OBSL1: variants seen among roughly 807,000 people sequenced by gnomAD.
The protein encoded by OBSL1 is obscurin like cytoskeletal adaptor 1.
OBSL1 carries 160 observed loss-of-function variants against 172.0 expected under a neutral mutation model. The ratio of observed to expected loss-of-function variants is 0.93; its 90% CI spans 0.82 to 1.06. The LOEUF (loss-of-function observed/expected upper bound fraction) is 1.06. Ranked by LOEUF, OBSL1 falls within the 50% of genes least tolerant of loss-of-function variation. The pLI is 0.00. For missense variants in OBSL1, 2,681 were observed against 2,715.4 expected, an observed-to-expected ratio of 0.99 and a Z score of 0.28; for synonymous variants, 1,200 against 1,196.3, an observed-to-expected ratio of 1.00 and a Z score of -0.06.
intron 16 of OBSL1, 131 bp downstream of exon 16, chr2:219,553,443 G>A (rs1321398829): frequency 1.4e-6 from 1 of 738,694 alleles, no homozygotes; most frequent in African/African-American, 1.7e-5. Flanking sequence ...TTGGAGTAAG[G>A]GATTAAATAT....
downstream of OBSL1, chr2:219,550,578 T>C (rs2106001164): frequency 3.6e-6 from 2 of 548,764 alleles, no homozygotes; most frequent in South Asian, 4.8e-5. Flanking sequence ...TGCCAAACTG[T>C]GTGGCCTCTG....
intron 13 of OBSL1, 58 bp from the exon 14 acceptor site, chr2:219,556,350 C>G (rs1461783648): frequency 3.2e-6 from 5 of 1,571,650 alleles, no homozygotes; most frequent in African/African-American, 2.7e-5. Context: ...GCCCCTTGCT[C>G]CATCCCACTG....
rs774682245 is a variant in OBSL1 at position 219,550,759 on chromosome 2, C to G, written c.*76G>C. ...GTAGCACTTTTATTGTTCCTTGTCT[C>G]TCTACCCCTGCCCAGGGTAAGGGCA... On this transcript the variant is annotated 3_prime_UTR_variant, in exon 21 of 21. Transcript: ENST00000404537. 6.0e-5 allele frequency: 94 copies of G among 1,562,986 alleles called. No individual in the cohort carries two copies. Among genetic ancestry groups the G allele is most frequent in the Non-Finnish European group, 8.0e-5 (92 of 1,148,748 alleles).
chr2:219,559,489 C>A lies in OBSL1; in HGVS notation c.2962G>T (p.Val988Leu). Residue 988 changes from valine (V) to leucine (L), a missense_variant, in exon 9 of 21, where the codon GTG becomes TTG. Val to Leu is a conservative substitution (Grantham distance 32, BLOSUM62 1). Coordinates refer to ENST00000404537, the MANE Select transcript of OBSL1 (RefSeq NM_015311.3). The stretch of plus-strand genomic sequence containing the variant: ...TCATCGCGAGGGTATATGATCCGCA[C>A]TGGGGGTTCTGCAGGGTGGGGACAA... ...SFTVTVTEPP[V>L]RIIYPRDEVT... is the part of the protein sequence containing the mutation. 1.9e-6 allele frequency: 3 copies of A among 1,608,396 alleles called. No individual in the cohort carries two copies. Among genetic ancestry groups the A allele is most frequent in the Non-Finnish European group, 2.6e-6 (3 of 1,175,222 alleles).
chr2:219,571,374 C>A lies in OBSL1; in HGVS notation c.-142G>T. On this transcript the variant is annotated 5_prime_UTR_variant, in exon 1 of 21. Transcript: ENST00000404537. ...CCGCGGAGCTCTCCCGGGCCTCCCG[C>A]TCCCGGCTCGCCTCCTTACCCTCGG... 2.2e-6 allele frequency: 1 copy of A among 453,852 alleles called. No individual in the cohort carries two copies. Among genetic ancestry groups the A allele is most frequent in the East Asian group, 4.2e-5 (1 of 23,812 alleles). 28.1% of individuals were successfully genotyped at this position (453,852 alleles called of 1,614,324 possible).
At chr2:219,558,503 G>A in intron 9 of OBSL1, 44 bp from the exon 10 acceptor site, 1 of 1,500,086 alleles carries the variant, frequency 6.7e-7, no homozygotes, top group Non-Finnish European at 8.9e-7. Flanking sequence ...TTGGCCAGCA[G>A]GCCTCTCCTG....
chr2:219,554,761 G>T, intron 14 of OBSL1, 21 bp from the exon 15 acceptor site: 1 of 1,522,128 alleles, frequency 6.6e-7, no homozygotes, highest in East Asian at 2.5e-5. Flanking sequence ...GAGATGGAGA[G>T]AGGGAGGATG....
At chr2:219,552,435 G>A in intron 18 of OBSL1, 101 bp downstream of exon 18, 2 of 1,248,742 alleles carry the variant, frequency 1.6e-6, no homozygotes, top group Non-Finnish European at 2.2e-6. Context: ...GTGGGGCGGG[G>A]CCCGTCGGAG....
At chr2:219,549,263 C>T (rs1695475404), downstream of OBSL1, 2 of 1,613,950 alleles carry the variant, frequency 1.2e-6, no homozygotes, top group Non-Finnish European at 8.5e-7. Flanking sequence ...CTCAGAGGTC[C>T]CCGGGCTCCT....
chr2:219,549,794 C>A, downstream of OBSL1: 2 of 1,614,134 alleles, frequency 1.2e-6, no homozygotes, highest in Non-Finnish European at 1.7e-6. Flanking sequence ...CAGATGCGGA[C>A]TATGAGTATG....
intron 18 of OBSL1, 154 bp from the exon 19 acceptor site, chr2:219,552,370 T>C: frequency 1.2e-6 from 1 of 866,576 alleles, no homozygotes; most frequent in East Asian, 2.7e-5. Flanking sequence ...AGCCTAGAGG[T>C]CCGGGACTAG....
intron 19 of OBSL1, 88 bp downstream of exon 19, chr2:219,552,024 C>G (rs539676564): frequency 2.3e-6 from 3 of 1,319,438 alleles, no homozygotes; most frequent in East Asian, 5.0e-5. Flanking sequence ...AGAGAGGCAG[C>G]GTTCTTGGGG....
intron 16 of OBSL1, among the ~76,000 whole-genome samples, chr2:219,553,339 C>T (rs1029315678): frequency 6.6e-6 from 1 of 152,160 alleles, no homozygotes; most frequent in African/African-American, 2.4e-5. Context: ...ATGGGCTCTA[C>T]CTGTTGTCTG....
intron 20 of OBSL1, chr2:219,551,050 G>T: frequency 7.0e-7 from 1 of 1,431,926 alleles, no homozygotes. Flanking sequence ...AGGGAATGCT[G>T]GGATTTGGGA....
Position 219,570,640 on chromosome 2 carries a change from G to T in OBSL1, c.593C>A (p.Ala198Glu), listed in dbSNP as rs186348476. The change falls in exon 1 of 21, where the codon GCG becomes GAG. Residue 198 changes from alanine to glutamate, a missense_variant. Around this residue, in one of 5 missense-constraint regions of OBSL1, gnomAD observed 706 missense variants for 695.8 expected, o/e 1.01. Coordinates refer to ENST00000404537, the MANE Select transcript of OBSL1 (RefSeq NM_015311.3). ...PGASLALRIL[A>E]ARLPDSGVYV... Reference sequence around the variant, plus strand: ...GACGCCGGAATCCGGCAGCCGAGCCGCCAGGATGCGCAGTGCCAGGCTCGC... The same window carrying T: ...GACGCCGGAATCCGGCAGCCGAGCCTCCAGGATGCGCAGTGCCAGGCTCGC... 3.9e-4 allele frequency: 582 copies of T among 1,510,596 alleles called. 5 individuals are homozygous for T. The East Asian group carries it at 0.014, about 37-fold the overall frequency. 93.6% of individuals were successfully genotyped at this position (1,510,596 alleles called of 1,614,324 possible).
chr2:219,549,400 A>C, downstream of OBSL1: 1 of 1,582,586 alleles, frequency 6.3e-7, no homozygotes, highest in Non-Finnish European at 8.6e-7. Flanking sequence ...GGAAGTGTGG[A>C]AACTCTTTCC....
At chr2:219,560,722 C>A (rs1696400101) in intron 8 of OBSL1, among the ~76,000 whole-genome samples, 1 of 152,226 alleles carries the variant, frequency 6.6e-6, no homozygotes, top group African/African-American at 2.4e-5. Context: ...AGCCACACAA[C>A]CCACCTCCCC....
rs1705027 is a variant in OBSL1, at chr2:219,552,902, C to T, written c.5112G>A (p.Thr1704=). 6.5e-7 allele frequency: 1 copy of T among 1,540,450 alleles called. No homozygotes were observed. ...DAGTYSCAVG[T]ARAGPVRLTV... ...TCAGGCGGACCGGTCCGGCGCGGGCCGTCCCCACCGCGCAGCTGTAGGTCC... is the reference window on the plus strand; with the variant it reads ...TCAGGCGGACCGGTCCGGCGCGGGCTGTCCCCACCGCGCAGCTGTAGGTCC... The change falls in exon 17 of 21, where the codon ACG becomes ACA. Residue 1704 remains threonine, a synonymous_variant. Coordinates refer to ENST00000404537, the MANE Select transcript of OBSL1 (RefSeq NM_015311.3).
At position 219,571,292 on chromosome 2, in the gene OBSL1, C is replaced by G; in HGVS notation, c.-60G>C. ...GGGGGGCAGGGGGGGGTGCGGAGGG[C>G]GAGCCGAGGCCCGGGGCGGCGGGGT... On this transcript the variant is annotated 5_prime_UTR_variant, in exon 1 of 21. Transcript: ENST00000404537. The G allele has an allele frequency of 1.0e-6, 1 of 959,896 alleles. No homozygotes were observed. The highest frequency in any genetic ancestry group is 1.4e-6 in the Non-Finnish European group (1 of 739,696). The allele number at this position is 959,896 out of a possible 1,614,324, so 59.5% of individuals were successfully genotyped here.
Sources: gnomAD v4.1 joint callset for allele counts (sites outside exome capture counted in the v4.1 genomes callset) on GRCh38, gnomAD v4.1.1 for gene constraint, gnomAD v4.1.1 regional missense constraint, MANE v1.5 for transcripts, NCBI Gene and HGNC (gene_info 2026-07-23, HGNC 2026-07-21) for gene names.